The following ALOXE3 variants were observed in gnomAD, a reference collection of about 807,000 sequenced individuals.
ALOXE3 encodes the protein arachidonate epidermal lipoxygenase 3.
ALOXE3 carries 78 observed loss-of-function variants against 87.5 expected under a neutral mutation model. The ratio of observed to expected loss-of-function variants is 0.89; its 90% CI spans 0.74 to 1.08. ALOXE3 has a LOEUF of 1.08. ALOXE3 is among the 50% of genes least tolerant of loss of function. The pLI, the probability that ALOXE3 is intolerant of heterozygous loss-of-function variation, is 0.00. For missense variants in ALOXE3, 946 were observed against 912.4 expected (o/e 1.04, Z -0.47); for synonymous variants, 363 against 370.8 (o/e 0.98, Z 0.24).
rs1979944622 is a variant in ALOXE3, at chr17:8,110,311, A to G, written c.1102-16T>C. ...TCTGGCTGAGCTGCGTCCGAAAGGAACGAGGGATGATGGGGCTCCGGGCTG... is the reference window on the plus strand; with the variant it reads ...TCTGGCTGAGCTGCGTCCGAAAGGAGCGAGGGATGATGGGGCTCCGGGCTG... On this transcript the variant is annotated splice_polypyrimidine_tract_variant and intron_variant, in intron 9 of 15. Coordinates refer to ENST00000448843, the MANE Select transcript of ALOXE3 (RefSeq NM_021628.3). 1 of 1,613,020 alleles carries G rather than the reference A, an allele frequency of 6.2e-7. No individual in the cohort carries two copies. The highest frequency in any genetic ancestry group is 1.3e-5 in the African/African-American group (1 of 74,898).
At chr17:8,115,540 G>GAACAATCTGATTA in intron 4 of ALOXE3, 67 bp downstream of exon 4, 1 of 1,501,832 alleles carries the variant, frequency 6.7e-7, no homozygotes, top group Non-Finnish European at 9.3e-7. Flanking sequence ...TTAGAGTTAG[G>GAACAATCTGATTA]AACAATCTGA....
intron 4 of ALOXE3, 138 bp downstream of exon 4, chr17:8,115,469 G>A (rs1980503414): frequency 8.2e-6 from 7 of 858,516 alleles, no homozygotes; most frequent in Non-Finnish European, 1.2e-5. Context: ...CACTATTAAA[G>A]TGGGGTTAGG....
In ALOXE3 at chr17:8,108,507, C is replaced by G; in HGVS notation, c.1645G>C (p.Glu549Gln). ...CCCAGGAACGCCTGAGCAAAAATCTCGCCAGTCCAGGCCTGCAGCTCCGAA... is the reference window on the plus strand; with the variant it reads ...CCCAGGAACGCCTGAGCAAAAATCTGGCCAGTCCAGGCCTGCAGCTCCGAA... Reference protein sequence around the residue: ...QDSELQAWTGEIFAQAFLGRE... With the variant: ...QDSELQAWTGQIFAQAFLGRE... The change falls in exon 13 of 16, where the codon GAG becomes CAG. Residue 549 changes from glutamate (E) to glutamine (Q), a missense_variant. Transcript: ENST00000448843. The G allele has an allele frequency of 6.2e-7, 1 of 1,613,552 alleles. No homozygotes were observed. The highest frequency in any genetic ancestry group is 8.5e-7 in the Non-Finnish European group (1 of 1,179,718).
chr17:8,099,860 A>C (rs557537720), intron 15 of ALOXE3, among the ~76,000 whole-genome samples: 1 of 152,190 alleles, frequency 6.6e-6, no homozygotes, highest in African/African-American at 2.4e-5. Flanking sequence ...ACTTTAGCCC[A>C]GGAGTTCAAG....
rs549344377 is a variant in ALOXE3 at position 8,111,687 on chromosome 17, G to T, written c.785-156C>A. 5.3e-5 allele frequency among the ~76,000 whole-genome samples: 8 copies of T among 152,336 alleles called. No homozygotes were observed. The South Asian group carries it at 1.7e-3, about 32-fold the overall frequency. On this transcript the variant is annotated intron_variant, in intron 7 of 15. Transcript: ENST00000448843. ...TCTTCAATTTAATACTAGACACTAA[G>T]GGTCAGAGAGATGGAGTGACTTGCA...
At position 8,118,317 on chromosome 17, in the gene ALOXE3, G is replaced by A; in HGVS notation, c.-313-14C>T. ...GCCTGGGTTCCACTGCGGAGGGAGG[G>A]ATCAGATGCTGAGATGGAGAAAAGG... On this transcript the variant is annotated splice_polypyrimidine_tract_variant and intron_variant, in intron 1 of 15. Coordinates refer to ENST00000448843, the MANE Select transcript of ALOXE3 (RefSeq NM_021628.3). 6.4e-7 allele frequency: 1 copy of A among 1,551,836 alleles called. No homozygotes were observed. The highest frequency in any genetic ancestry group is 8.7e-7 in the Non-Finnish European group (1 of 1,147,030).
intron 15 of ALOXE3, among the ~76,000 whole-genome samples, chr17:8,101,289 A>G (rs576672291): frequency 1.1e-4 from 16 of 152,172 alleles, no homozygotes; most frequent in Admixed American, 5.2e-4. Flanking sequence ...CGGCCTCCCA[A>G]TGTGCTGGGA....
At chr17:8,116,270 C>T (rs1340588587) in intron 3 of ALOXE3, among the ~76,000 whole-genome samples, 1 of 152,208 alleles carries the variant, frequency 6.6e-6, no homozygotes, top group Non-Finnish European at 1.5e-5. Flanking sequence ...GATGCTCAAG[C>T]CCAGCATCTG....
intron 13 of ALOXE3, among the ~76,000 whole-genome samples, chr17:8,107,069 G>A (rs924705118): frequency 1.5e-4 from 23 of 152,190 alleles, no homozygotes; most frequent in African/African-American, 5.5e-4. Context: ...AGATAGGAGA[G>A]TTGAATTAAC....
intron 6 of ALOXE3, among the ~76,000 whole-genome samples, chr17:8,113,654 AAAC>A (rs376122895): frequency 1.3e-5 from 2 of 149,544 alleles, no homozygotes; most frequent in Admixed American, 6.6e-5. Flanking sequence ...CTCCGTCTCA[AAAC>A]AACAACAACA....
intron 13 of ALOXE3, among the ~76,000 whole-genome samples, chr17:8,108,068 G>GA (rs1567997181): frequency 4.2e-5 from 6 of 143,840 alleles, no homozygotes; most frequent in East Asian, 2.1e-4. Flanking sequence ...AGAAAGAAAG[G>GA]AAGAGAGGTT....
chr17:8,099,838 G>A (rs1052268819), intron 15 of ALOXE3, among the ~76,000 whole-genome samples: 8 of 152,072 alleles, frequency 5.3e-5, no homozygotes, highest in Admixed American at 4.6e-4. Context: ...GGGAGGCTAA[G>A]GCAGGAGGAT....
intron 7 of ALOXE3, 124 bp from the exon 8 acceptor site, chr17:8,111,655 CATT>C: frequency 2.1e-6 from 2 of 944,430 alleles, no homozygotes; most frequent in Non-Finnish European, 3.4e-6. Context: ...AGGTAGGAAT[CATT>C]ATATCTTCAA....
At chr17:8,111,251 T>A in intron 8 of ALOXE3, 108 bp downstream of exon 8, 1 of 1,389,602 alleles carries the variant, frequency 7.2e-7, no homozygotes, top group Admixed American at 1.7e-5. Context: ...GGCCCACAGG[T>A]GAAATGCAGC....
At chr17:8,102,360 G>A (rs1467660685) in intron 15 of ALOXE3, among the ~76,000 whole-genome samples, 1 of 152,172 alleles carries the variant, frequency 6.6e-6, no homozygotes, top group African/African-American at 2.4e-5. Context: ...GGGCACAGTG[G>A]TGGGTGCCTG....
intron 13 of ALOXE3, among the ~76,000 whole-genome samples, chr17:8,107,841 G>GGAC (rs1567996056): frequency 2.0e-3 from 5 of 2,522 alleles, no homozygotes; most frequent in Non-Finnish European, 3.2e-3. Flanking sequence ...AAGAAAGAAA[G>GGAC]AAAGAAAGAA....
intron 12 of ALOXE3, 83 bp from the exon 13 acceptor site, chr17:8,108,672 C>A (rs558666186): frequency 1.5e-5 from 24 of 1,571,432 alleles, no homozygotes; most frequent in African/African-American, 2.7e-5. Flanking sequence ...GCTGCTCAGG[C>A]GGCAGAGAGA....
chr17:8,107,798 C>CA lies in ALOXE3; in HGVS notation c.1684+669dup, dbSNP rs199735818. Among the ~76,000 whole-genome samples the CA allele has an allele frequency of 7.3e-4, 49 of 67,386 alleles. 6 individuals carry two copies. The East Asian group carries it at 9.0e-3, about 12-fold the overall frequency. 44.2% of individuals were successfully genotyped at this position (67,386 alleles called of 152,430 possible). ...TGGGCGACAGAGGGAGACTCCGTCT[C>CA]AAAAAAAAAAACAAGAAAGAAAGAA... On this transcript the variant is annotated intron_variant, in intron 13 of 15. Coordinates refer to ENST00000448843, the MANE Select transcript of ALOXE3 (RefSeq NM_021628.3).
intron 14 of ALOXE3, 141 bp downstream of exon 14, chr17:8,103,974 C>G: frequency 5.5e-6 from 4 of 722,366 alleles, no homozygotes; most frequent in Non-Finnish European, 9.7e-6. Context: ...CAACCCTTCA[C>G]CCCACTCAGC....
Sources: allele counts gnomAD v4.1 joint callset (sites outside exome capture counted in the v4.1 genomes callset), GRCh38; gene constraint gnomAD v4.1.1; transcripts MANE v1.5; gene names NCBI Gene and HGNC (gene_info 2026-07-23, HGNC 2026-07-21).